TPM3: variants seen among roughly 807,000 people sequenced by gnomAD.
TPM3 encodes tropomyosin alpha-3 chain.
TPM3 carries 16 observed loss-of-function variants against 43.1 expected under a neutral mutation model. That is an observed-to-expected ratio of 0.37 (90% confidence interval 0.25 to 0.56). The LOEUF (loss-of-function observed/expected upper bound fraction) is 0.56. TPM3 is among the 20% of genes least tolerant of loss of function. The probability of loss-of-function intolerance (pLI) is 0.77; values close to 1 mark genes in which losing one functional copy is unlikely to be tolerated. For missense variants in TPM3, 176 were observed against 337.2 expected, an observed-to-expected ratio of 0.52 and a Z score of 3.74; for synonymous variants, 101 against 116.9, an observed-to-expected ratio of 0.86 and a Z score of 0.88.
chr1:154,179,599 T>TC (rs984640915), intron 2 of TPM3, among the ~76,000 whole-genome samples: 6 of 151,942 alleles, frequency 3.9e-5, no homozygotes, highest in African/African-American at 1.5e-4. Context: ...GACCCCTCAC[T>TC]CCCCCAGTGC....
chr1:154,172,547 C>A (rs765796792), intron 5 of TPM3: 6 of 466,496 alleles, frequency 1.3e-5, no homozygotes. Context: ...TTTGAGCCAC[C>A]ACACCCAGCC....
intron 5 of TPM3, chr1:154,172,230 A>G (rs1317516282): frequency 1.1e-6 from 1 of 904,918 alleles, no homozygotes; most frequent in Admixed American, 1.7e-5. Context: ...GGAAGAGAAC[A>G]CCACCATGGT....
chr1:154,180,504 G>T (rs576706581), intron 2 of TPM3, among the ~76,000 whole-genome samples: 2 of 152,280 alleles, frequency 1.3e-5, no homozygotes, highest in African/African-American at 4.8e-5. Flanking sequence ...TAGAAGAAAT[G>T]ATTTCATCAA....
At chr1:154,177,530 C>CG (rs1278305817) in intron 2 of TPM3, among the ~76,000 whole-genome samples, 2 of 152,086 alleles carry the variant, frequency 1.3e-5, no homozygotes, top group African/African-American at 4.8e-5. Context: ...ACTGCCTCCC[C>CG]GCTACCTTTA....
intron 2 of TPM3, among the ~76,000 whole-genome samples, chr1:154,189,234 G>A (rs997047282): frequency 6.9e-6 from 1 of 145,080 alleles, no homozygotes; most frequent in African/African-American, 2.6e-5. Context: ...TGTAATCCCA[G>A]TACTTTGGGA....
At chr1:154,177,362 C>T (rs1242957119) in intron 2 of TPM3, among the ~76,000 whole-genome samples, 1 of 152,114 alleles carries the variant, frequency 6.6e-6, no homozygotes, top group Non-Finnish European at 1.5e-5. Flanking sequence ...TCTAATACAG[C>T]GACAATCTTC....
chr1:154,186,660 A>G (rs1663423368), intron 2 of TPM3, among the ~76,000 whole-genome samples: 1 of 151,692 alleles, frequency 6.6e-6, no homozygotes, highest in African/African-American at 2.4e-5. Flanking sequence ...TTGGATTAAA[A>G]TGATCTTAGA....
rs753923165 is a variant in TPM3 at position 154,169,398 on chromosome 1, G to A, written c.776-15C>T. 8 of 1,613,890 alleles carry A rather than the reference G, an allele frequency of 5.0e-6. No individual in the cohort carries two copies. In the Admixed American group the frequency reaches 1.3e-4, roughly 27 times the overall value. ...ATAGAGCTCATCTGGACAGGCACAG[G>A]AACCACAGGGAGGAATGAGGGGACA... is the stretch of plus-strand genomic sequence containing the variant. On this transcript the variant is annotated splice_polypyrimidine_tract_variant and intron_variant, in intron 8 of 9. Transcript: ENST00000651641.
rs971427134 is a variant in TPM3, at chr1:154,167,391, C to T, written c.*546G>A. The T allele has an allele frequency of 3.8e-6, 4 of 1,063,554 alleles. No individual in the cohort carries two copies. The African/African-American group carries it at 6.6e-5, about 18-fold the overall frequency. The allele number at this position is 1,063,554 out of a possible 1,614,324, so 65.9% of individuals were successfully genotyped here. A position where few individuals can be genotyped will look rare whatever the true frequency, so the allele number is the denominator to read the frequency against. ...GGTACAGAATGTGTATTGAGAGTCA[C>T]TTCAATGGCTTCTCAATGACACCAC... On this transcript the variant is annotated 3_prime_UTR_variant, in exon 10 of 10. Coordinates refer to ENST00000651641, the MANE Select transcript of TPM3 (RefSeq NM_152263.4).
Position 154,166,806 on chromosome 1 carries a change from C to T in TPM3, c.*1131G>A, listed in dbSNP as rs926730148. ...AAGCGATTCTCCTGCCTCAGCCTCC[C>T]GAGTAGCTGGGATTACAGGCACCCA... On this transcript the variant is annotated 3_prime_UTR_variant, in exon 10 of 10. Coordinates refer to ENST00000651641, the MANE Select transcript of TPM3 (RefSeq NM_152263.4). 8 of 571,940 alleles carry T rather than the reference C, an allele frequency of 1.4e-5. No individual in the cohort carries two copies. Among genetic ancestry groups the T allele is most frequent in the Middle Eastern group, 8.8e-4 (1 of 1,142 alleles). 35.4% of individuals were successfully genotyped at this position (571,940 alleles called of 1,614,324 possible). A position where few individuals can be genotyped will look rare whatever the true frequency, so the allele number is the denominator to read the frequency against.
At position 154,169,792 on chromosome 1, in the gene TPM3, T is replaced by C. The variant is rs180731624; in HGVS notation, c.776-409A>G. ...TGCCTACAAAATGTGAACCTATTAG[T>C]GGCCCCTCTGCTCCACAGGCTGCCC... On this transcript the variant is annotated intron_variant, in intron 8 of 9. Coordinates refer to ENST00000651641, the MANE Select transcript of TPM3 (RefSeq NM_152263.4). The C allele has an allele frequency of 2.0e-4, 57 of 282,914 alleles. 1 individual carries two copies. Among genetic ancestry groups the C allele is most frequent in the African/African-American group, 1.2e-3 (53 of 45,696 alleles). The allele number at this position is 282,914 out of a possible 1,614,324, so 17.5% of individuals were successfully genotyped here. A position where few individuals can be genotyped will look rare whatever the true frequency, so the allele number is the denominator to read the frequency against.
chr1:154,178,388 C>T (rs1248658316), intron 2 of TPM3, among the ~76,000 whole-genome samples: 1 of 152,232 alleles, frequency 6.6e-6, no homozygotes, highest in Non-Finnish European at 1.5e-5. Flanking sequence ...GTATCAAAAG[C>T]AGAACCTGAG....
chr1:154,170,293 G>T, intron 8 of TPM3, 107 bp downstream of exon 8: 1 of 1,235,888 alleles, frequency 8.1e-7, no homozygotes, highest in Non-Finnish European at 1.2e-6. Flanking sequence ...ATTAATACAT[G>T]CCAAGTCACT....
intron 2 of TPM3, among the ~76,000 whole-genome samples, chr1:154,188,238 T>C (rs987455942): frequency 5.3e-5 from 8 of 151,606 alleles, no homozygotes; most frequent in Non-Finnish European, 5.9e-5. Context: ...AAATTTTTTG[T>C]AAAGATAGGG....
rs1660625173 is a variant in TPM3, at chr1:154,163,641, A to C, written c.*4296T>G. Among the ~76,000 whole-genome samples the C allele has an allele frequency of 6.6e-6, 1 of 151,740 alleles. No homozygotes were observed. The highest frequency in any genetic ancestry group is 1.5e-5 in the Non-Finnish European group (1 of 67,922). Reference sequence around the variant, plus strand: ...TTACATAACGTTTTCCTCATTGTTTAATTTTTTTTTGAGACAGAGTCTTGC... The same window carrying C: ...TTACATAACGTTTTCCTCATTGTTTCATTTTTTTTTGAGACAGAGTCTTGC... On this transcript the variant is annotated 3_prime_UTR_variant, in exon 10 of 10. Coordinates refer to ENST00000651641, the MANE Select transcript of TPM3 (RefSeq NM_152263.4).
chr1:154,175,981 A>G (rs1488446801), intron 3 of TPM3, 134 bp downstream of exon 3: 23 of 1,460,998 alleles, frequency 1.6e-5, no homozygotes, highest in Non-Finnish European at 2.0e-5. Flanking sequence ...CAGCGTCCCA[A>G]AGTGCTGGGA....
chr1:154,174,597 T>G (rs1202118721), intron 3 of TPM3, among the ~76,000 whole-genome samples: 1 of 149,234 alleles, frequency 6.7e-6, no homozygotes, highest in African/African-American at 2.5e-5. Flanking sequence ...TGGGTTCCAG[T>G]GCTTCTCGTG....
Position 154,169,306 on chromosome 1 carries a change from T to A in TPM3, c.853A>T (p.Ile285Leu). 1 of 1,614,136 alleles carries A rather than the reference T, an allele frequency of 6.2e-7. No homozygotes were observed. The highest frequency in any genetic ancestry group is 8.5e-7 in the Non-Finnish European group (1 of 1,179,992). Residue 285 changes from isoleucine (I) to leucine (L), a missense_variant and splice_region_variant, in exon 9 of 10, where the codon ATA becomes TTA. Transcript: ENST00000651641. Reference protein sequence around the residue: ...LDHALNDMTSI With the variant: ...LDHALNDMTSL ...CCCACTCTACTGTCAGATAGTTACA[T>A]AGAGGTCATGTCATTGAGGGCGTGG... is the stretch of plus-strand genomic sequence containing the variant.
At position 154,191,894 on chromosome 1, in the gene TPM3, G is replaced by C; in HGVS notation, c.117+8C>G. 1 of 1,612,444 alleles carries C rather than the reference G, an allele frequency of 6.2e-7. No individual in the cohort carries two copies. Among genetic ancestry groups the C allele is most frequent in the Non-Finnish European group, 8.5e-7 (1 of 1,179,190 alleles). On this transcript the variant is annotated splice_region_variant and intron_variant, in intron 1 of 9. Coordinates refer to ENST00000651641, the MANE Select transcript of TPM3 (RefSeq NM_152263.4). ...TAGCAGATGAGAGAGATCAATGCCA[G>C]TGCCTACCTGTTTACTTCTTTCTTC...
Sources: allele counts gnomAD v4.1 joint callset (sites outside exome capture counted in the v4.1 genomes callset), GRCh38; gene constraint gnomAD v4.1.1; transcripts MANE v1.5; gene names NCBI Gene and HGNC (gene_info 2026-07-23, HGNC 2026-07-21).